BPI: variants seen among roughly 807,000 people sequenced by gnomAD.
The protein encoded by BPI is bactericidal permeability-increasing protein.
In BPI, 48 loss-of-function variants were observed where a neutral mutation model predicts 57.6. That is an observed-to-expected ratio of 0.83 (90% CI 0.66 to 1.06). BPI has a LOEUF of 1.06. BPI is among the 50% of genes least tolerant of loss of function. The probability of loss-of-function intolerance (pLI) is 0.00; values close to 1 mark genes in which losing one functional copy is unlikely to be tolerated. For missense variants in BPI, 651 were observed against 609.7 expected (o/e 1.07, Z -0.71); for synonymous variants, 237 against 238.2 (o/e 0.99, Z 0.05).
At chr20:38,327,470 G>C in intron 10 of BPI, 118 bp from the exon 11 acceptor site, 1 of 1,089,406 alleles carries the variant, frequency 9.2e-7, no homozygotes, top group Non-Finnish European at 1.4e-6. Flanking sequence ...CTGTGGGCCT[G>C]ACCCCACAGT....
In BPI at chr20:38,331,029, C is replaced by T; in HGVS notation, c.1230-19C>T. The T allele has an allele frequency of 6.2e-7, 1 of 1,613,926 alleles. No homozygotes were observed. The highest frequency in any genetic ancestry group is 8.5e-7 in the Non-Finnish European group (1 of 1,179,866). On this transcript the variant is annotated intron_variant, in intron 11 of 14. Coordinates refer to ENST00000642449, the MANE Select transcript of BPI (RefSeq NM_001725.3). ...GTCAGGCAATTGGTGGTCTCAGTCC[C>T]CTCCTCCCCCTCTCACAGGCTGCTC... is the stretch of plus-strand genomic sequence containing the variant.
chr20:38,307,676 C>T lies in BPI; in HGVS notation c.240C>T (p.Phe80=). 1 of 1,609,068 alleles carries T rather than the reference C, an allele frequency of 6.2e-7. No homozygotes were observed. The highest frequency in any genetic ancestry group is 8.5e-7 in the Non-Finnish European group (1 of 1,176,874). Residue 80 remains phenylalanine (F), a synonymous_variant, in exon 2 of 15, where the codon TTC becomes TTT. Transcript: ENST00000642449. ...ATCTTGGGAAGGGGCATTATAGCTT[C>T]TACAGGTGAGGCCTATCAGAGCTCA... ...IKHLGKGHYS[F]YSMDIREFQL...
chr20:38,334,357 G>A (rs1163970205), intron 12 of BPI, 73 bp from the exon 13 acceptor site: 2 of 1,391,966 alleles, frequency 1.4e-6, no homozygotes, highest in African/African-American at 1.4e-5. Context: ...CAGAGGTGGG[G>A]TGATGAGGAC....
At chr20:38,316,045 G>C (rs1307425193) in intron 5 of BPI, among the ~76,000 whole-genome samples, 3 of 151,960 alleles carry the variant, frequency 2.0e-5, no homozygotes, top group Admixed American at 6.6e-5. Context: ...TGTTGGCCAG[G>C]CTGGTCTCAA....
chr20:38,315,520 G>A (rs900148584), intron 5 of BPI, among the ~76,000 whole-genome samples: 6 of 152,216 alleles, frequency 3.9e-5, no homozygotes, highest in Admixed American at 3.9e-4. Context: ...TGTTGGCCCT[G>A]ATGGGTGAGC....
intron 14 of BPI, 70 bp from the exon 15 acceptor site, chr20:38,337,076 T>C: frequency 6.6e-7 from 1 of 1,512,010 alleles, no homozygotes; most frequent in East Asian, 2.4e-5. Context: ...TTCTTAAAAC[T>C]CCAGTAGCTC....
At chr20:38,318,592 G>A in intron 6 of BPI, 116 bp downstream of exon 6, 2 of 1,096,020 alleles carry the variant, frequency 1.8e-6, no homozygotes, top group East Asian at 4.7e-5. Context: ...GCCTGGGTGG[G>A]AATGAGCAGA....
chr20:38,326,212 A>C, intron 9 of BPI, 53 bp from the exon 10 acceptor site: 1 of 1,556,416 alleles, frequency 6.4e-7, no homozygotes, highest in Non-Finnish European at 8.7e-7. Flanking sequence ...GGATTCAGAA[A>C]CATTTTAACA....
At chr20:38,334,817 CAA>C (rs919056245) in intron 13 of BPI, among the ~76,000 whole-genome samples, 1 of 152,058 alleles carries the variant, frequency 6.6e-6, no homozygotes, top group African/African-American at 2.4e-5. Context: ...ACAGAGCAGG[CAA>C]GAGATGGGGC....
intron 11 of BPI, among the ~76,000 whole-genome samples, chr20:38,330,328 C>T (rs6123598): frequency 6.6e-6 from 1 of 152,168 alleles, no homozygotes; most frequent in African/African-American, 2.4e-5. Context: ...AGTATGTTTC[C>T]TCATCTGTAA....
At chr20:38,325,532 A>G (rs1334080797) in intron 9 of BPI, among the ~76,000 whole-genome samples, 2 of 152,194 alleles carry the variant, frequency 1.3e-5, no homozygotes, top group African/African-American at 4.8e-5. Flanking sequence ...TTATAAGGAC[A>G]CTAATTCTAT....
At chr20:38,305,371 T>C (rs1003627222) in intron 1 of BPI, among the ~76,000 whole-genome samples, 5 of 152,070 alleles carry the variant, frequency 3.3e-5, no homozygotes, top group Admixed American at 3.3e-4. Context: ...GCAGCCTGAG[T>C]TTCCCCTTCT....
intron 1 of BPI, among the ~76,000 whole-genome samples, chr20:38,307,241 G>A (rs771308748): frequency 6.6e-6 from 1 of 151,992 alleles, no homozygotes; most frequent in African/African-American, 2.4e-5. Flanking sequence ...CACAACATGT[G>A]AAAATTATAT....
intron 10 of BPI, among the ~76,000 whole-genome samples, chr20:38,327,285 G>T (rs1053009941): frequency 6.6e-6 from 1 of 152,186 alleles, no homozygotes. Flanking sequence ...CATATTTTTT[G>T]AATGAATTAA....
intron 6 of BPI, 87 bp downstream of exon 6, chr20:38,318,563 G>A (rs1420583377): frequency 2.1e-6 from 3 of 1,458,112 alleles, no homozygotes; most frequent in Non-Finnish European, 2.9e-6. Context: ...GGGCCGGCAA[G>A]TTTCCCAGAC....
chr20:38,330,992 G>A, intron 11 of BPI, 56 bp from the exon 12 acceptor site: 4 of 1,593,100 alleles, frequency 2.5e-6, no homozygotes, highest in Non-Finnish European at 3.4e-6. Context: ...TAGAGACTGG[G>A]TTCTCATGCT....
In BPI at chr20:38,318,469, T is replaced by A; in HGVS notation, c.657T>A (p.Thr219=). The A allele has an allele frequency of 6.2e-7, 1 of 1,613,314 alleles. No homozygotes were observed. Among genetic ancestry groups the A allele is most frequent in the Non-Finnish European group, 8.5e-7 (1 of 1,179,292 alleles). ...VSSELQPYFQ[T]LPVMTKIDSV... ...CCGAGCTGCAACCTTATTTCCAGAC[T>A]CTGCCAGGTGAGGGCTGGATGAAGA... The change falls in exon 6 of 15, where the codon ACT becomes ACA. Residue 219 remains threonine (T), a synonymous_variant. Coordinates refer to ENST00000642449, the MANE Select transcript of BPI (RefSeq NM_001725.3).
intron 5 of BPI, among the ~76,000 whole-genome samples, chr20:38,312,954 G>A (rs568936722): frequency 5.0e-4 from 76 of 152,304 alleles, no homozygotes; most frequent in Non-Finnish European, 9.9e-4. Context: ...CAGTTCCAAT[G>A]AGCAGGACAT....
chr20:38,335,708 T>C (rs1568821214), intron 14 of BPI, 34 bp downstream of exon 14: 2 of 1,596,842 alleles, frequency 1.3e-6, no homozygotes, highest in East Asian at 2.2e-5. Flanking sequence ...AAATCTCCCC[T>C]AACGATAGTG....
Sources: allele counts gnomAD v4.1 joint callset (sites outside exome capture counted in the v4.1 genomes callset), GRCh38; gene constraint gnomAD v4.1.1; transcripts MANE v1.5; gene names NCBI Gene and HGNC (gene_info 2026-07-23, HGNC 2026-07-21).